The following SVIL variants were observed in gnomAD, a reference collection of about 807,000 sequenced individuals.
SVIL encodes supervillin.
Under a neutral mutation model 240.4 loss-of-function variants are expected in SVIL, and 101 were observed. That is an observed-to-expected ratio of 0.42 (90% CI 0.36 to 0.50). The LOEUF (loss-of-function observed/expected upper bound fraction) is 0.50. SVIL is among the 20% of genes least tolerant of loss of function. The probability of loss-of-function intolerance (pLI) is 0.01; values close to 1 mark genes in which losing one functional copy is unlikely to be tolerated. For missense variants in SVIL, 2,512 were observed against 2,818.7 expected, an observed-to-expected ratio of 0.89 and a Z score of 2.46; for synonymous variants, 999 against 1,100.0, an observed-to-expected ratio of 0.91 and a Z score of 1.82.
intron 17 of SVIL, chr10:29,507,983 A>T: frequency 5.2e-6 from 1 of 191,752 alleles, no homozygotes; most frequent in South Asian, 1.1e-4. Flanking sequence ...CTTGAATGCT[A>T]ATGCTAAAGT....
intron 1 of SVIL, among the ~76,000 whole-genome samples, chr10:29,607,376 G>T (rs947536956): frequency 5.9e-5 from 9 of 151,950 alleles, no homozygotes; most frequent in Non-Finnish European, 1.3e-4. Flanking sequence ...GAATCTCCTT[G>T]CCTAGTTTAT....
At chr10:29,558,959 T>A (rs1229145771) in intron 3 of SVIL, among the ~76,000 whole-genome samples, 1 of 148,308 alleles carries the variant, frequency 6.7e-6, no homozygotes, top group African/African-American at 2.4e-5. Flanking sequence ...AAAATATGGT[T>A]TATATTATAT....
intron 1 of SVIL, among the ~76,000 whole-genome samples, chr10:29,573,284 C>T (rs1589297300): frequency 3.9e-5 from 6 of 152,070 alleles, no homozygotes; most frequent in South Asian, 2.1e-4. Context: ...AAGTTGGTAA[C>T]GGAGTCTTAC....
At chr10:29,634,173 C>G (rs946882777) in intron 1 of SVIL, among the ~76,000 whole-genome samples, 24 of 151,480 alleles carry the variant, frequency 1.6e-4, no homozygotes, top group Admixed American at 1.6e-3. Flanking sequence ...AAACCTTTCT[C>G]TACCATAAAG....
chr10:29,549,751 T>C, intron 6 of SVIL, among the ~76,000 whole-genome samples: 1 of 143,802 alleles, frequency 7.0e-6, no homozygotes, highest in East Asian at 2.0e-4. Flanking sequence ...AAACCATCAT[T>C]CTCAGTAAAC....
chr10:29,719,040 G>A (rs1236837522), intron 1 of SVIL, among the ~76,000 whole-genome samples: 1 of 152,188 alleles, frequency 6.6e-6, no homozygotes, highest in East Asian at 1.9e-4. Flanking sequence ...CCCAGGAGGT[G>A]GAGGTTGCGG....
intron 29 of SVIL, among the ~76,000 whole-genome samples, chr10:29,475,138 G>A (rs1946055559): frequency 6.6e-6 from 1 of 152,122 alleles, no homozygotes; most frequent in Non-Finnish European, 1.5e-5. Flanking sequence ...TGATCCTCCT[G>A]CCTCAGCCTC....
intron 29 of SVIL, 27 bp from the exon 30 acceptor site, chr10:29,474,016 A>G (rs1417952456): frequency 6.2e-7 from 1 of 1,607,628 alleles, no homozygotes; most frequent in Admixed American, 1.7e-5. Context: ...GCAGAGGGAC[A>G]GGTCAGCAGC....
intron 1 of SVIL, among the ~76,000 whole-genome samples, chr10:29,731,863 G>T (rs1412874075): frequency 1.3e-5 from 2 of 152,210 alleles, no homozygotes; most frequent in Non-Finnish European, 2.9e-5. Flanking sequence ...CAGCTGGCAA[G>T]TTCTCTCCCA....
At chr10:29,463,776 G>T in intron 34 of SVIL, 141 bp from the exon 35 acceptor site, 2 of 1,176,846 alleles carry the variant, frequency 1.7e-6, no homozygotes, top group Non-Finnish European at 1.2e-6. Flanking sequence ...CAAACCAGGG[G>T]CAAAGGGGCA....
chr10:29,571,537 C>A (rs528591089), intron 1 of SVIL, among the ~76,000 whole-genome samples: 1 of 152,090 alleles, frequency 6.6e-6, no homozygotes, highest in South Asian at 2.1e-4. Flanking sequence ...TAACAGAGAG[C>A]CAAAAACCCA....
Position 29,558,018 on chromosome 10 carries a change from T to A in SVIL, c.-50-2910A>T, listed in dbSNP as rs80066076. 4.5e-3 allele frequency among the ~76,000 whole-genome samples: 692 copies of A among 152,282 alleles called. 14 individuals are homozygous for A. The East Asian group carries it at 0.067, about 15-fold the overall frequency. ...CCCCATTTGCTGTGACACAAAAATA[T>A]CCTCATATATTTCTAAAGCCCCTTA... On this transcript the variant is annotated intron_variant, in intron 3 of 37. Transcript: ENST00000355867.
At chr10:29,494,005 C>T (rs1226474287) in intron 20 of SVIL, among the ~76,000 whole-genome samples, 2 of 151,944 alleles carry the variant, frequency 1.3e-5, no homozygotes, top group African/African-American at 4.8e-5. Context: ...CCCATCTCTA[C>T]AAAAACAGAA....
intron 2 of SVIL, among the ~76,000 whole-genome samples, chr10:29,673,072 C>A (rs920065508): frequency 6.6e-6 from 1 of 152,110 alleles, no homozygotes; most frequent in African/African-American, 2.4e-5. Context: ...CACCGCCACA[C>A]CCAGCTAATT....
At chr10:29,673,714 CA>C (rs1203649352) in intron 2 of SVIL, among the ~76,000 whole-genome samples, 1 of 152,122 alleles carries the variant, frequency 6.6e-6, no homozygotes, top group Non-Finnish European at 1.5e-5. Flanking sequence ...CTCCATGATC[CA>C]ATCATCTCCC....
chr10:29,720,454 C>T (rs757925758), intron 1 of SVIL, among the ~76,000 whole-genome samples: 1 of 151,820 alleles, frequency 6.6e-6, no homozygotes, highest in Admixed American at 6.6e-5. Context: ...AAAATAAAGG[C>T]AAAATAAGGA....
At chr10:29,537,838 A>T (rs1324815790) in intron 6 of SVIL, among the ~76,000 whole-genome samples, 4 of 152,126 alleles carry the variant, frequency 2.6e-5, no homozygotes, top group Non-Finnish European at 5.9e-5. Context: ...CTCCAGTAAG[A>T]TCCTTCAGCC....
rs558627472 is a variant in SVIL at position 29,562,223 on chromosome 10, T to TG, written c.-51+977dup. On this transcript the variant is annotated intron_variant, in intron 3 of 37. Transcript: ENST00000355867. ...AAGACATTTTGTGAGCTGAGACTAA[T>TG]GATCATTCCTTGTGCTAGTGTTACA... Among the ~76,000 whole-genome samples the TG allele has an allele frequency of 1.5e-4, 23 of 152,362 alleles. No homozygotes were observed. In the South Asian group the frequency reaches 3.1e-3, roughly 21 times the overall value.
At chr10:29,665,599 T>C (rs1364212111) in intron 2 of SVIL, among the ~76,000 whole-genome samples, 2 of 152,098 alleles carry the variant, frequency 1.3e-5, no homozygotes, top group Non-Finnish European at 2.9e-5. Context: ...ATCGAGACCA[T>C]CCTGGCTAAC....
Sources: allele counts gnomAD v4.1 joint callset (sites outside exome capture counted in the v4.1 genomes callset), GRCh38; gene constraint gnomAD v4.1.1; transcripts MANE v1.5; gene names NCBI Gene and HGNC (gene_info 2026-07-23, HGNC 2026-07-21).